The following FHIT variants were observed in gnomAD, a reference collection of about 807,000 sequenced individuals.
FHIT encodes fragile histidine triad diadenosine triphosphatase, also known as bis(5'-adenosyl)-triphosphatase.
A neutral mutation model predicts 17.9 loss-of-function variants in FHIT; 19 were observed. The observed-to-expected ratio is 1.06, with a 90% CI of 0.74 to 1.56. The LOEUF (loss-of-function observed/expected upper bound fraction) is 1.56, where lower values mean the gene tolerates loss of function less well. FHIT is among the 40% of genes most tolerant of loss of function. The probability of loss-of-function intolerance (pLI) is 0.00; values close to 1 mark genes in which losing one functional copy is unlikely to be tolerated. For synonymous variants in FHIT, 81 were observed against 69.7 expected (o/e 1.16, Z -0.81); for missense variants, 248 against 189.2 (o/e 1.31, Z -1.82).
intron 7 of FHIT, among the ~76,000 whole-genome samples, chr3:59,981,232 T>A (rs1364429868): frequency 6.6e-6 from 1 of 152,164 alleles, no homozygotes; most frequent in Admixed American, 6.5e-5. Context: ...TATTCCTGAA[T>A]CCAGACACAT....
intron 5 of FHIT, among the ~76,000 whole-genome samples, chr3:60,129,042 C>CTTTTTTTTTTTTTTTTTTTTTTTT (rs1360333142): frequency 1.8e-5 from 2 of 113,012 alleles, no homozygotes; most frequent in African/African-American, 6.8e-5. Context: ...TTCTTCTTTC[C>CTTTTTTTTTTTTTTTTTTTTTTTT]TTTTTTGTTT....
chr3:60,663,988 T>C (rs1484886843), intron 4 of FHIT, among the ~76,000 whole-genome samples: 9 of 151,936 alleles, frequency 5.9e-5, no homozygotes, highest in Admixed American at 5.9e-4. Flanking sequence ...ATGCCTTCTA[T>C]TTTCTTTTCT....
intron 2 of FHIT, among the ~76,000 whole-genome samples, chr3:61,042,568 G>A (rs1371527360): frequency 2.0e-5 from 3 of 152,154 alleles, no homozygotes; most frequent in South Asian, 2.1e-4. Flanking sequence ...GCAGGGTGCA[G>A]TGGCTCACAC....
In FHIT at chr3:60,694,261, C is replaced by G. The variant is rs532015920; in HGVS notation, c.-18+127658G>C. On this transcript the variant is annotated intron_variant, in intron 4 of 9. Transcript: ENST00000492590. The stretch of plus-strand genomic sequence containing the variant: ...GGCTCCTCAGAAAACCCGATGCTCT[C>G]TTTGCATTACTAGCCAATGTGAAGC... Among the ~76,000 whole-genome samples the G allele has an allele frequency of 1.5e-4, 22 of 151,626 alleles. No homozygotes were observed. In the South Asian group the frequency reaches 4.6e-3, roughly 32 times the overall value.
At chr3:60,878,940 C>T (rs1252060294) in intron 3 of FHIT, among the ~76,000 whole-genome samples, 1 of 152,130 alleles carries the variant, frequency 6.6e-6, no homozygotes, top group African/African-American at 2.4e-5. Context: ...AATAGTGCCG[C>T]AATAAACATA....
intron 3 of FHIT, among the ~76,000 whole-genome samples, chr3:60,955,635 C>CATATATATACATATATATATATACAT (rs1553778580): frequency 2.1e-5 from 1 of 48,346 alleles, no homozygotes; most frequent in African/African-American, 7.3e-5. Context: ...TATATATATA[C>CATATATATACATATATATATATACAT]ACACACACAC....
intron 8 of FHIT, among the ~76,000 whole-genome samples, chr3:59,828,955 A>G (rs1449359132): frequency 6.6e-6 from 1 of 152,092 alleles, no homozygotes; most frequent in Non-Finnish European, 1.5e-5. Context: ...TTTCCAAGAA[A>G]AAAAAGAAAA....
chr3:60,015,794 T>C (rs1263498526), intron 5 of FHIT, among the ~76,000 whole-genome samples: 1 of 152,170 alleles, frequency 6.6e-6, no homozygotes. Flanking sequence ...GTGGAATAAA[T>C]CAGACAACCT....
At chr3:60,364,369 T>C (rs1296572164) in intron 5 of FHIT, among the ~76,000 whole-genome samples, 4 of 152,234 alleles carry the variant, frequency 2.6e-5, no homozygotes, top group Non-Finnish European at 4.4e-5. Flanking sequence ...CTCCTTGCCA[T>C]GGGCAAAATA....
At chr3:59,890,879 C>T (rs997511133) in intron 8 of FHIT, among the ~76,000 whole-genome samples, 1 of 152,174 alleles carries the variant, frequency 6.6e-6, no homozygotes, top group East Asian at 1.9e-4. Flanking sequence ...GAATTTCCTT[C>T]ATTTCTCCCC....
At chr3:59,869,740 C>T (rs1187503113) in intron 8 of FHIT, among the ~76,000 whole-genome samples, 1 of 151,770 alleles carries the variant, frequency 6.6e-6, no homozygotes, top group African/African-American at 2.4e-5. Context: ...CCCACCTCGG[C>T]CTCCCAAAGT....
chr3:60,982,504 G>A (rs1710539116), intron 3 of FHIT, among the ~76,000 whole-genome samples: 1 of 152,174 alleles, frequency 6.6e-6, no homozygotes, highest in Admixed American at 6.5e-5. Flanking sequence ...TAATCAGCCT[G>A]GTCTGCTTTC....
intron 7 of FHIT, among the ~76,000 whole-genome samples, chr3:59,948,107 C>G (rs1706915563): frequency 1.3e-5 from 2 of 152,100 alleles, no homozygotes; most frequent in South Asian, 4.1e-4. Flanking sequence ...TGTGAACATT[C>G]ATTCATGTAC....
intron 5 of FHIT, among the ~76,000 whole-genome samples, chr3:60,270,072 C>G (rs1198438978): frequency 6.6e-6 from 1 of 152,162 alleles, no homozygotes; most frequent in Non-Finnish European, 1.5e-5. Context: ...ATCAGATTCT[C>G]AGTCCAGAGA....
intron 5 of FHIT, among the ~76,000 whole-genome samples, chr3:60,441,325 C>G (rs933968335): frequency 1.3e-4 from 19 of 151,964 alleles, no homozygotes; most frequent in African/African-American, 4.4e-4. Context: ...GTACAAGTTT[C>G]TAAAAATGTC....
At chr3:60,992,873 A>G (rs913318505) in intron 3 of FHIT, among the ~76,000 whole-genome samples, 6 of 152,230 alleles carry the variant, frequency 3.9e-5, no homozygotes, top group Non-Finnish European at 2.9e-5. Flanking sequence ...ACATGTATTT[A>G]GAAAGTACTT....
At chr3:59,826,161 A>G (rs1485454025) in intron 8 of FHIT, among the ~76,000 whole-genome samples, 1 of 152,146 alleles carries the variant, frequency 6.6e-6, no homozygotes, top group Non-Finnish European at 1.5e-5. Flanking sequence ...TCTGACACCC[A>G]GGCCGGAGTG....
At chr3:61,063,118 G>A (rs1265637338) in intron 2 of FHIT, among the ~76,000 whole-genome samples, 3 of 151,866 alleles carry the variant, frequency 2.0e-5, no homozygotes, top group Non-Finnish European at 4.4e-5. Flanking sequence ...AATTAGCCGG[G>A]TGTGGTGGGT....
intron 5 of FHIT, among the ~76,000 whole-genome samples, chr3:60,036,277 T>C (rs1701212928): frequency 1.3e-5 from 2 of 152,146 alleles, no homozygotes; most frequent in Non-Finnish European, 2.9e-5. Context: ...TTCCACCTCC[T>C]CCTAAAAGAA....
Sources: allele counts gnomAD v4.1 joint callset (sites outside exome capture counted in the v4.1 genomes callset), GRCh38; gene constraint gnomAD v4.1.1; transcripts MANE v1.5; gene names NCBI Gene and HGNC (gene_info 2026-07-23, HGNC 2026-07-21).